SLC22A24: variants seen among roughly 807,000 people sequenced by gnomAD.
SLC22A24 encodes the protein solute carrier family 22 member 24.
SLC22A24 carries 53 observed loss-of-function variants against 49.8 expected under a neutral mutation model. That is an observed-to-expected ratio of 1.06 (90% confidence interval 0.85 to 1.34). The LOEUF is 1.34. SLC22A24 is among the 40% of genes most tolerant of loss of function. The pLI is 0.00. For missense variants in SLC22A24, 786 were observed against 675.9 expected, an observed-to-expected ratio of 1.16 and a Z score of -1.81; for synonymous variants, 302 against 256.4, an observed-to-expected ratio of 1.18 and a Z score of -1.70.
At chr11:63,139,951 CTG>C (rs2087402958) in intron 1 of SLC22A24, among the ~76,000 whole-genome samples, 1 of 151,600 alleles carries the variant, frequency 6.6e-6, no homozygotes, top group South Asian at 2.1e-4. Flanking sequence ...TAAAAGAGCT[CTG>C]ATTAATTAGC....
chr11:63,141,488 G>T (rs1322736242), intron 1 of SLC22A24, among the ~76,000 whole-genome samples: 4 of 152,154 alleles, frequency 2.6e-5, no homozygotes, highest in Admixed American at 2.6e-4. Flanking sequence ...TTCTTGTAAA[G>T]AATCAAAGTT....
In SLC22A24 at chr11:63,080,057, A is replaced by G. The variant is rs532890913; in HGVS notation, c.1599-57T>C. The G allele has an allele frequency of 1.0e-5, 12 of 1,186,022 alleles. No individual in the cohort carries two copies. The African/African-American group carries it at 1.5e-4, about 15-fold the overall frequency. The allele number at this position is 1,186,022 out of a possible 1,614,324, so 73.5% of individuals were successfully genotyped here. A position where few individuals can be genotyped will look rare whatever the true frequency, so the allele number is the denominator to read the frequency against. The stretch of plus-strand genomic sequence containing the variant: ...TTAAGAAACAAAAAATAAATAAGAT[A>G]TAGATTAAGCATATATATACTGTGT... On this transcript the variant is annotated intron_variant, in intron 9 of 9. Coordinates refer to ENST00000612278, the MANE Select transcript of SLC22A24 (RefSeq NM_001136506.2).
Position 63,118,923 on chromosome 11 carries a change from G to C in SLC22A24, c.819C>G (p.Phe273Leu). The change falls in exon 4 of 10, where the codon TTC (phenylalanine) becomes TTG (leucine). Residue 273 changes from phenylalanine to leucine, a missense_variant. Transcript: ENST00000612278. ...GAGATTGTTCATACCAAGAGGACAA[G>C]AAGAGGACAATTATGGGTGTAGACA... Reference protein sequence around the residue: ...LTVSTPIIVLFLSSWKMVESA... With the variant: ...LTVSTPIIVLLLSSWKMVESA... 6.4e-7 allele frequency: 1 copy of C among 1,552,078 alleles called. No homozygotes were observed. Among genetic ancestry groups the C allele is most frequent in the Non-Finnish European group, 8.7e-7 (1 of 1,147,046 alleles).
chr11:63,089,897 C>A (rs546196550), intron 6 of SLC22A24, among the ~76,000 whole-genome samples: 3 of 151,578 alleles, frequency 2.0e-5, no homozygotes, highest in Non-Finnish European at 4.4e-5. Flanking sequence ...CTGGCTAACA[C>A]GGTGAAACCC....
chr11:63,144,071 A>T lies in SLC22A24; in HGVS notation c.-292T>A. 8.1e-6 allele frequency: 2 copies of T among 245,536 alleles called. No homozygotes were observed. Among genetic ancestry groups the T allele is most frequent in the Non-Finnish European group, 1.6e-5 (2 of 128,778 alleles). 15.2% of individuals were successfully genotyped at this position (245,536 alleles called of 1,614,324 possible). A position where few individuals can be genotyped will look rare whatever the true frequency, so the allele number is the denominator to read the frequency against. ...GACAACTGAATCTTCTTAAAAGACTACTCTGTGAAAGATCCTGATCTCTGA... is the reference window on the plus strand; with the variant it reads ...GACAACTGAATCTTCTTAAAAGACTTCTCTGTGAAAGATCCTGATCTCTGA... On this transcript the variant is annotated 5_prime_UTR_variant, in exon 1 of 10. Coordinates refer to ENST00000612278, the MANE Select transcript of SLC22A24 (RefSeq NM_001136506.2).
At chr11:63,135,990 C>T (rs1176375567) in intron 1 of SLC22A24, among the ~76,000 whole-genome samples, 2 of 152,162 alleles carry the variant, frequency 1.3e-5, no homozygotes, top group African/African-American at 4.8e-5. Flanking sequence ...CAGCGTTGAC[C>T]ATTCTACAGT....
At chr11:63,142,993 C>A (rs1247163270) in intron 1 of SLC22A24, among the ~76,000 whole-genome samples, 1 of 152,156 alleles carries the variant, frequency 6.6e-6, no homozygotes, top group Non-Finnish European at 1.5e-5. Context: ...CTTTCACAAC[C>A]AGCAGAATGC....
chr11:63,104,996 G>A (rs956733536), intron 4 of SLC22A24, among the ~76,000 whole-genome samples: 2 of 152,186 alleles, frequency 1.3e-5, no homozygotes, highest in Non-Finnish European at 2.9e-5. Flanking sequence ...TACAATGGGG[G>A]TATAGCAGTG....
intron 5 of SLC22A24, among the ~76,000 whole-genome samples, chr11:63,097,559 TCCCATTACTGGGTATATAC>T (rs2087063266): frequency 6.6e-6 from 1 of 152,126 alleles, no homozygotes; most frequent in African/African-American, 2.4e-5. Flanking sequence ...GACCCTGCAA[TCCCATTACTGGGTATATAC>T]CCAAAGGATT....
At chr11:63,107,201 T>C in intron 4 of SLC22A24, among the ~76,000 whole-genome samples, 1 of 152,220 alleles carries the variant, frequency 6.6e-6, no homozygotes, top group Non-Finnish European at 1.5e-5. Context: ...CTTTTCCCCA[T>C]TTCTTGTTTT....
At chr11:63,121,369 G>A (rs2087250694) in intron 2 of SLC22A24, among the ~76,000 whole-genome samples, 1 of 152,028 alleles carries the variant, frequency 6.6e-6, no homozygotes, top group Non-Finnish European at 1.5e-5. Context: ...AGAAATAGAT[G>A]TGTTGTTAGG....
At chr11:63,126,816 G>A (rs542211936) in intron 2 of SLC22A24, among the ~76,000 whole-genome samples, 2 of 151,966 alleles carry the variant, frequency 1.3e-5, no homozygotes, top group South Asian at 4.2e-4. Context: ...CCATTTGTTG[G>A]TGTCCTCCCA....
At chr11:63,115,478 C>A (rs560098279) in intron 4 of SLC22A24, among the ~76,000 whole-genome samples, 1 of 152,116 alleles carries the variant, frequency 6.6e-6, no homozygotes, top group East Asian at 1.9e-4. Flanking sequence ...GTCATGGCTT[C>A]CTTTGGCTAG....
Position 63,111,586 on chromosome 11 carries a change from A to G in SLC22A24, c.831-7288T>C, listed in dbSNP as rs1399618011. 2.0e-5 allele frequency among the ~76,000 whole-genome samples: 3 copies of G among 151,952 alleles called. No individual in the cohort carries two copies. The East Asian group carries it at 5.8e-4, about 29-fold the overall frequency. ...TCCTGGTTTAGTCTTGGGAGAGTGTATGTGTCGAGGAATTTATCCATTTCT... is the reference window on the plus strand; with the variant it reads ...TCCTGGTTTAGTCTTGGGAGAGTGTGTGTGTCGAGGAATTTATCCATTTCT... On this transcript the variant is annotated intron_variant, in intron 4 of 9. Transcript: ENST00000612278.
intron 2 of SLC22A24, among the ~76,000 whole-genome samples, chr11:63,128,187 A>G (rs2087306305): frequency 2.6e-5 from 4 of 152,008 alleles, no homozygotes; most frequent in Admixed American, 2.6e-4. Context: ...CTTAGGAGAA[A>G]CCAGGCCATA....
At chr11:63,080,434 G>C (rs889244365) in intron 9 of SLC22A24, among the ~76,000 whole-genome samples, 3 of 149,308 alleles carry the variant, frequency 2.0e-5, no homozygotes, top group African/African-American at 7.4e-5. Context: ...CGTTATTTTT[G>C]CAAAGGAGAT....
intron 2 of SLC22A24, among the ~76,000 whole-genome samples, chr11:63,121,811 C>T (rs1231547421): frequency 6.6e-6 from 1 of 152,012 alleles, no homozygotes; most frequent in Non-Finnish European, 1.5e-5. Context: ...CACAACAGTC[C>T]CCGGAGTGTG....
At chr11:63,132,170 A>G (rs1045967178) in intron 2 of SLC22A24, among the ~76,000 whole-genome samples, 1 of 152,174 alleles carries the variant, frequency 6.6e-6, no homozygotes, top group Non-Finnish European at 1.5e-5. Context: ...TATTTTATTT[A>G]GCCATTCGTC....
At chr11:63,127,091 T>C (rs1479782880) in intron 2 of SLC22A24, among the ~76,000 whole-genome samples, 3 of 152,132 alleles carry the variant, frequency 2.0e-5, no homozygotes, top group Non-Finnish European at 4.4e-5. Context: ...AAGTCGTCAT[T>C]TACATTAGGT....
Sources: allele counts gnomAD v4.1 joint callset (sites outside exome capture counted in the v4.1 genomes callset), GRCh38; gene constraint gnomAD v4.1.1; transcripts MANE v1.5; gene names NCBI Gene and HGNC (gene_info 2026-07-23, HGNC 2026-07-21).